GNAQ: variants seen among roughly 807,000 people sequenced by gnomAD.
GNAQ encodes guanine nucleotide-binding protein G(q) subunit alpha.
A neutral mutation model predicts 43.9 loss-of-function variants in GNAQ; 8 were observed. The observed-to-expected ratio is 0.18, with a 90% CI of 0.11 to 0.33. GNAQ has a LOEUF of 0.33. GNAQ is among the 10% of genes least tolerant of loss of function. The probability of loss-of-function intolerance (pLI) is 1.00; values close to 1 mark genes in which losing one functional copy is unlikely to be tolerated. For synonymous variants in GNAQ, 155 were observed against 170.7 expected, an observed-to-expected ratio of 0.91 and a Z score of 0.71; for missense variants, 158 against 450.8, an observed-to-expected ratio of 0.35 and a Z score of 5.88.
intron 1 of GNAQ, among the ~76,000 whole-genome samples, chr9:78,030,873 GCGTGTGTGTGTCGC>G (rs1464675963): frequency 6.8e-6 from 1 of 147,194 alleles, no homozygotes; most frequent in Non-Finnish European, 1.5e-5. Flanking sequence ...CCCCTGTGCT[GCGTGTGTGTGTCGC>G]TGTGTGTGTG....
intron 3 of GNAQ, among the ~76,000 whole-genome samples, chr9:77,811,372 A>G (rs1210147541): frequency 1.3e-5 from 2 of 152,028 alleles, no homozygotes; most frequent in Non-Finnish European, 2.9e-5. Context: ...AAGATATGAA[A>G]AAAAGGAGGC....
At chr9:77,733,973 AC>A (rs1825534639) in intron 5 of GNAQ, among the ~76,000 whole-genome samples, 1 of 152,132 alleles carries the variant, frequency 6.6e-6, no homozygotes, top group Non-Finnish European at 1.5e-5. Flanking sequence ...ATGGCCCAAG[AC>A]CCCAGCTGGA....
chr9:77,969,150 C>T (rs560613687), intron 1 of GNAQ, among the ~76,000 whole-genome samples: 1 of 152,322 alleles, frequency 6.6e-6, no homozygotes, highest in South Asian at 2.1e-4. Context: ...TACAGTAACT[C>T]CTTCATAATG....
intron 3 of GNAQ, among the ~76,000 whole-genome samples, chr9:77,804,387 AGG>A (rs988280152): frequency 6.6e-6 from 1 of 152,174 alleles, no homozygotes; most frequent in Non-Finnish European, 1.5e-5. Context: ...TTTATAAGCC[AGG>A]TGTGGCGGCA....
At chr9:77,775,524 C>T (rs932311281) in intron 5 of GNAQ, among the ~76,000 whole-genome samples, 1 of 151,818 alleles carries the variant, frequency 6.6e-6, no homozygotes, top group Non-Finnish European at 1.5e-5. Flanking sequence ...ATTCTCCTGC[C>T]TCAGCCTCCC....
intron 5 of GNAQ, among the ~76,000 whole-genome samples, chr9:77,776,624 A>G (rs1826309877): frequency 6.6e-6 from 1 of 152,242 alleles, no homozygotes; most frequent in Non-Finnish European, 1.5e-5. Flanking sequence ...GAAGAAACAG[A>G]CAATTCAACA....
chr9:77,996,396 T>C (rs1212014684), intron 1 of GNAQ, among the ~76,000 whole-genome samples: 2 of 152,180 alleles, frequency 1.3e-5, no homozygotes, highest in African/African-American at 2.4e-5. Context: ...AAATATGCAA[T>C]TGGCTAGGCG....
chr9:77,804,879 T>C (rs1302146483), intron 3 of GNAQ, among the ~76,000 whole-genome samples: 1 of 152,130 alleles, frequency 6.6e-6, no homozygotes, highest in African/African-American at 2.4e-5. Flanking sequence ...GAGGTCGACT[T>C]CATTTAAAAA....
intron 2 of GNAQ, among the ~76,000 whole-genome samples, chr9:77,894,777 ATTG>A (rs1237350500): frequency 6.7e-6 from 1 of 150,348 alleles, no homozygotes; most frequent in African/African-American, 2.4e-5. Context: ...AATAAATATT[ATTG>A]TTTTCATTGA....
intron 1 of GNAQ, among the ~76,000 whole-genome samples, chr9:78,017,874 A>G (rs1823858519): frequency 6.6e-6 from 1 of 152,198 alleles, no homozygotes; most frequent in Non-Finnish European, 1.5e-5. Context: ...TGGGGAAATG[A>G]TCATTCTCAC....
At chr9:77,753,782 A>C (rs1451063010) in intron 5 of GNAQ, among the ~76,000 whole-genome samples, 1 of 152,210 alleles carries the variant, frequency 6.6e-6, no homozygotes, top group Admixed American at 6.5e-5. Flanking sequence ...TTATTGTACA[A>C]TATGAATAAC....
chr9:77,998,597 A>G (rs996064211), intron 1 of GNAQ, among the ~76,000 whole-genome samples: 21 of 152,220 alleles, frequency 1.4e-4, no homozygotes, highest in Admixed American at 1.2e-3. Context: ...ATTACCTGAT[A>G]CATGTAGTTA....
Position 77,729,625 on chromosome 9 carries a change from G to A in GNAQ, c.736-958C>T, listed in dbSNP as rs144647820. ...TTCCTACACTTGGGTTACAGATGAA[G>A]GCAGCAGATTTGGGAATTCTCCTTC... On this transcript the variant is annotated intron_variant, in intron 5 of 6. Coordinates refer to ENST00000286548, the MANE Select transcript of GNAQ (RefSeq NM_002072.5). 6.4e-4 allele frequency among the ~76,000 whole-genome samples: 98 copies of A among 152,242 alleles called. 1 individual carries two copies. In the East Asian group the frequency reaches 0.018, roughly 28 times the overall value.
At chr9:77,752,959 C>T (rs1038043205) in intron 5 of GNAQ, among the ~76,000 whole-genome samples, 5 of 151,576 alleles carry the variant, frequency 3.3e-5, no homozygotes, top group Non-Finnish European at 5.9e-5. Flanking sequence ...TGGTGGCAGG[C>T]GCCTGTAGTT....
Position 77,716,686 on chromosome 9 carries a change from TATATA to T in GNAQ, c.*4632_*4636del, listed in dbSNP as rs1200285566. ...CTGTTTTTTCTGTCTACCAAAAGCTTATATAAAAGTCAGAATTTCTTTATCCAAGA... is the reference window on the plus strand; with the variant it reads ...CTGTTTTTTCTGTCTACCAAAAGCTTAAAGTCAGAATTTCTTTATCCAAGA... On this transcript the variant is annotated 3_prime_UTR_variant, in exon 7 of 7. Coordinates refer to ENST00000286548, the MANE Select transcript of GNAQ (RefSeq NM_002072.5). 11 of 232,854 alleles carry T rather than the reference TATATA, an allele frequency of 4.7e-5. No individual in the cohort carries two copies. The highest frequency in any genetic ancestry group is 2.4e-4 in the African/African-American group (11 of 45,328). The allele number at this position is 232,854 out of a possible 1,614,324, so 14.4% of individuals were successfully genotyped here.
chr9:77,978,518 G>C (rs180928498), intron 1 of GNAQ, among the ~76,000 whole-genome samples: 1 of 152,046 alleles, frequency 6.6e-6, no homozygotes, highest in African/African-American at 2.4e-5. Context: ...CTTGATGATT[G>C]TTTTCTCTCT....
rs565846581 is a variant in GNAQ at position 77,822,450 on chromosome 9, T to C, written c.322-6680A>G. Among the ~76,000 whole-genome samples the C allele has an allele frequency of 2.1e-4, 32 of 152,220 alleles. No individual in the cohort carries two copies. In the East Asian group the frequency reaches 6.0e-3, roughly 28 times the overall value. ...TTATACCTCAGAAAAAGCCTAATCA[T>C]TTTAGTCCTTTGTAATGTCTGTGCT... On this transcript the variant is annotated intron_variant, in intron 2 of 6. Coordinates refer to ENST00000286548, the MANE Select transcript of GNAQ (RefSeq NM_002072.5).
chr9:77,803,166 C>G (rs1369422771), intron 3 of GNAQ, among the ~76,000 whole-genome samples: 3 of 152,118 alleles, frequency 2.0e-5, no homozygotes, highest in Admixed American at 2.0e-4. Flanking sequence ...AGGTTGTTAG[C>G]TATCCATCCT....
intron 2 of GNAQ, among the ~76,000 whole-genome samples, chr9:77,817,568 A>G (rs543633729): frequency 1.3e-5 from 2 of 152,178 alleles, no homozygotes; most frequent in Non-Finnish European, 2.9e-5. Flanking sequence ...TTCTGTGTTC[A>G]TAAGAAAAGG....
Sources: gnomAD v4.1 joint callset for allele counts (sites outside exome capture counted in the v4.1 genomes callset) on GRCh38, gnomAD v4.1.1 for gene constraint, MANE v1.5 for transcripts, NCBI Gene and HGNC (gene_info 2026-07-23, HGNC 2026-07-21) for gene names.